Variants in MARCHF1 observed in about 807,000 individuals in gnomAD.
MARCHF1 encodes E3 ubiquitin-protein ligase MARCHF1.
Under a neutral mutation model 54.2 loss-of-function variants are expected in MARCHF1, and 40 were observed. The observed-to-expected ratio is 0.74, with a 90% confidence interval of 0.57 to 0.96. MARCHF1 has a LOEUF of 0.96. MARCHF1 is among the 40% of genes least tolerant of loss of function. MARCHF1 has a pLI of 0.00. For missense variants in MARCHF1, 586 were observed against 656.5 expected (o/e 0.89, Z 1.17); for synonymous variants, 236 against 236.3 (o/e 1.00, Z 0.01).
At chr4:164,135,060 A>T (rs187836946) in intron 1 of MARCHF1, among the ~76,000 whole-genome samples, 103 of 152,316 alleles carry the variant, frequency 6.8e-4, no homozygotes, top group Admixed American at 3.1e-3. Context: ...ATAAAAAGAC[A>T]TAGTCCTCCT....
At chr4:163,705,031 G>C (rs1458449920) in intron 4 of MARCHF1, among the ~76,000 whole-genome samples, 1 of 151,536 alleles carries the variant, frequency 6.6e-6, no homozygotes, top group Non-Finnish European at 1.5e-5. Flanking sequence ...TGAAAACCTA[G>C]AGGAAACACA....
intron 3 of MARCHF1, among the ~76,000 whole-genome samples, chr4:163,957,483 CT>C (rs1301755795): frequency 6.6e-6 from 1 of 151,780 alleles, no homozygotes; most frequent in Non-Finnish European, 1.5e-5. Flanking sequence ...AAAAGCTTAG[CT>C]TTTTTTAAAA....
chr4:164,309,307 T>C (rs1208956778), intron 1 of MARCHF1, among the ~76,000 whole-genome samples: 3 of 151,988 alleles, frequency 2.0e-5, no homozygotes, highest in Non-Finnish European at 4.4e-5. Flanking sequence ...TGTGTGTTAT[T>C]GTGGCTTTCT....
rs115670908 is a variant in MARCHF1 at position 163,725,628 on chromosome 4, C to T, written c.112-24765G>A. On this transcript the variant is annotated intron_variant, in intron 4 of 9. Transcript: ENST00000514618. ...CTTTAAAATTAATTTAAAACTAAAC[C>T]CTGTAGTTTTTCATAGTCTATGGTT... Among the ~76,000 whole-genome samples the T allele has an allele frequency of 7.5e-3, 1,133 of 151,904 alleles. 13 individuals are homozygous for T. The highest frequency in any genetic ancestry group is 0.026 in the African/African-American group (1,093 of 41,418).
chr4:164,322,121 A>G (rs566032320), intron 1 of MARCHF1, among the ~76,000 whole-genome samples: 1 of 152,100 alleles, frequency 6.6e-6, no homozygotes, highest in Non-Finnish European at 1.5e-5. Flanking sequence ...TTAAGGAAGA[A>G]CAGTTTCTTT....
chr4:163,720,563 A>T (rs1198623322), intron 4 of MARCHF1, among the ~76,000 whole-genome samples: 1 of 152,208 alleles, frequency 6.6e-6, no homozygotes, highest in Non-Finnish European at 1.5e-5. Flanking sequence ...AATTCTGTGA[A>T]AAAAGTCATT....
intron 6 of MARCHF1, 30 bp downstream of exon 6, chr4:163,613,284 A>G (rs760879186): frequency 6.4e-7 from 1 of 1,573,818 alleles, no homozygotes; most frequent in Non-Finnish European, 8.6e-7. Context: ...TCCAAAGAAT[A>G]TAGATTAAGA....
chr4:164,130,671 C>A (rs1756282063), intron 1 of MARCHF1, among the ~76,000 whole-genome samples: 1 of 152,120 alleles, frequency 6.6e-6, no homozygotes, highest in African/African-American at 2.4e-5. Context: ...AGTTTCTGAT[C>A]TGGAAAATTG....
At chr4:163,578,183 C>T (rs1740101521) in intron 8 of MARCHF1, among the ~76,000 whole-genome samples, 1 of 151,796 alleles carries the variant, frequency 6.6e-6, no homozygotes, top group African/African-American at 2.4e-5. Flanking sequence ...ATTCTTAGTT[C>T]TTGTGTATTC....
chr4:163,708,340 T>A (rs1052307926), intron 4 of MARCHF1, among the ~76,000 whole-genome samples: 7 of 152,062 alleles, frequency 4.6e-5, no homozygotes, highest in African/African-American at 1.4e-4. Flanking sequence ...TGTGTCCTTA[T>A]TTTTTTCCTT....
intron 3 of MARCHF1, among the ~76,000 whole-genome samples, chr4:163,911,212 ACTTAT>A (rs1456300874): frequency 5.3e-5 from 8 of 152,228 alleles, no homozygotes; most frequent in African/African-American, 1.7e-4. Context: ...TATCTTTATC[ACTTAT>A]CTTCAGAGGA....
chr4:164,070,274 A>G (rs1440483508), intron 2 of MARCHF1, among the ~76,000 whole-genome samples: 3 of 152,200 alleles, frequency 2.0e-5, no homozygotes, highest in Admixed American at 6.5e-5. Flanking sequence ...TCATGACACA[A>G]TGTTAAATGT....
chr4:164,308,608 CAAAATT>C (rs1734759879), intron 1 of MARCHF1, among the ~76,000 whole-genome samples: 1 of 151,870 alleles, frequency 6.6e-6, no homozygotes, highest in Non-Finnish European at 1.5e-5. Context: ...TAAAAAATAT[CAAAATT>C]AAAAATAATT....
intron 9 of MARCHF1, among the ~76,000 whole-genome samples, chr4:163,530,875 CT>C (rs1237264539): frequency 2.6e-5 from 4 of 151,770 alleles, no homozygotes; most frequent in African/African-American, 7.3e-5. Context: ...GGAAATAATA[CT>C]TCAAAATATC....
chr4:163,747,982 G>A (rs184019723), intron 4 of MARCHF1, among the ~76,000 whole-genome samples: 2 of 152,308 alleles, frequency 1.3e-5, no homozygotes, highest in East Asian at 3.9e-4. Flanking sequence ...CAGGTACAAT[G>A]CCAAAAACCT....
chr4:163,799,666 T>G (rs1252101800), intron 4 of MARCHF1, among the ~76,000 whole-genome samples: 2 of 152,096 alleles, frequency 1.3e-5, no homozygotes, highest in Admixed American at 1.3e-4. Flanking sequence ...AATAAGACAG[T>G]AACCATTATT....
At chr4:163,679,117 A>G (rs1430592243) in intron 5 of MARCHF1, among the ~76,000 whole-genome samples, 1 of 152,228 alleles carries the variant, frequency 6.6e-6, no homozygotes, top group Non-Finnish European at 1.5e-5. Flanking sequence ...CAAAACATCC[A>G]AATCCGTTGA....
chr4:163,896,445 T>C (rs1175697116), intron 3 of MARCHF1, among the ~76,000 whole-genome samples: 1 of 152,210 alleles, frequency 6.6e-6, no homozygotes, highest in African/African-American at 2.4e-5. Flanking sequence ...AGGCATTCTC[T>C]CCTTATTGTT....
intron 8 of MARCHF1, chr4:163,555,995 A>G (rs377185534): frequency 2.6e-5 from 12 of 456,152 alleles, no homozygotes; most frequent in Middle Eastern, 3.3e-4. Flanking sequence ...AAAAGAGAAA[A>G]GCTTTTAAAA....
Sources: gnomAD v4.1 joint callset for allele counts (sites outside exome capture counted in the v4.1 genomes callset) on GRCh38, gnomAD v4.1.1 for gene constraint, MANE v1.5 for transcripts, NCBI Gene and HGNC (gene_info 2026-07-23, HGNC 2026-07-21) for gene names.